FOCAD: variants seen among roughly 807,000 people sequenced by gnomAD.
The protein encoded by FOCAD is focadhesin.
FOCAD carries 198 observed loss-of-function variants against 225.6 expected under a neutral mutation model. The observed-to-expected ratio is 0.88, with a 90% confidence interval of 0.78 to 0.99. The LOEUF (loss-of-function observed/expected upper bound fraction) is 0.99. FOCAD is among the 50% of genes least tolerant of loss of function. The pLI is 0.00. For missense variants in FOCAD, 2,713 were observed against 2,123.6 expected, an observed-to-expected ratio of 1.28 and a Z score of -5.46; for synonymous variants, 897 against 755.0, an observed-to-expected ratio of 1.19 and a Z score of -3.08.
intron 8 of FOCAD, among the ~76,000 whole-genome samples, chr9:20,771,236 C>G (rs1426708735): frequency 1.3e-5 from 2 of 152,114 alleles, no homozygotes; most frequent in East Asian, 3.8e-4. Flanking sequence ...TAAGCTGTGG[C>G]AAATAGGGCT....
At chr9:20,658,061 C>CTG (rs1821561886), upstream of FOCAD, among the ~76,000 whole-genome samples, 1 of 147,040 alleles carries the variant, frequency 6.8e-6, no homozygotes, top group Non-Finnish European at 1.5e-5. Flanking sequence ...TGTGCCCCTG[C>CTG]TGGGGGGTGC....
intron 24 of FOCAD, among the ~76,000 whole-genome samples, chr9:20,917,756 G>A (rs1185816668): frequency 6.6e-6 from 1 of 152,078 alleles, no homozygotes; most frequent in East Asian, 1.9e-4. Flanking sequence ...TCCTTTTCAT[G>A]TCACAAAACC....
chr9:20,930,715 T>A (rs1047658598), intron 27 of FOCAD, among the ~76,000 whole-genome samples: 1 of 152,208 alleles, frequency 6.6e-6, no homozygotes, highest in Non-Finnish European at 1.5e-5. Flanking sequence ...TTGGGATTAT[T>A]CTCTTAGTCT....
At chr9:20,755,731 TATC>T (rs1828988815) in intron 5 of FOCAD, among the ~76,000 whole-genome samples, 1 of 152,224 alleles carries the variant, frequency 6.6e-6, no homozygotes, top group South Asian at 2.1e-4. Context: ...ATATGGTTCT[TATC>T]AGAAGAACCC....
chr9:20,876,705 GTCCCTT>G (rs1830257874), intron 19 of FOCAD, among the ~76,000 whole-genome samples: 1 of 152,146 alleles, frequency 6.6e-6, no homozygotes, highest in Non-Finnish European at 1.5e-5. Flanking sequence ...TATAAAAAGT[GTCCCTT>G]TGATTATTAC....
chr9:20,743,081 A>G (rs1827761799), intron 5 of FOCAD, among the ~76,000 whole-genome samples: 1 of 152,188 alleles, frequency 6.6e-6, no homozygotes, highest in South Asian at 2.1e-4. Context: ...TCCCCTCAAG[A>G]GAGCTATGAT....
chr9:20,851,461 C>T (rs1241585946), intron 15 of FOCAD, among the ~76,000 whole-genome samples: 2 of 151,830 alleles, frequency 1.3e-5, no homozygotes, highest in Admixed American at 1.3e-4. Flanking sequence ...AGCAACACAT[C>T]AGAATTCCTG....
intron 39 of FOCAD, among the ~76,000 whole-genome samples, chr9:20,985,698 T>A (rs1841091095): frequency 6.6e-6 from 1 of 152,238 alleles, no homozygotes; most frequent in Non-Finnish European, 1.5e-5. Flanking sequence ...TCTCAGTTTG[T>A]CGCACAGAAT....
At chr9:20,664,803 A>C (rs1054017748) in intron 2 of FOCAD, among the ~76,000 whole-genome samples, 1 of 151,964 alleles carries the variant, frequency 6.6e-6, no homozygotes, top group Non-Finnish European at 1.5e-5. Flanking sequence ...AATAATGGTG[A>C]TGGTTTCAAG....
chr9:20,747,785 G>A (rs1221145016), intron 5 of FOCAD, among the ~76,000 whole-genome samples: 1 of 147,866 alleles, frequency 6.8e-6, no homozygotes, highest in Non-Finnish European at 1.5e-5. Context: ...TATTTATCTT[G>A]GAATTTTTTG....
At chr9:20,883,546 T>C (rs961580390) in intron 20 of FOCAD, among the ~76,000 whole-genome samples, 1 of 152,230 alleles carries the variant, frequency 6.6e-6, no homozygotes, top group African/African-American at 2.4e-5. Flanking sequence ...CACTTAGAGT[T>C]TGTCCTCTGA....
At chr9:20,660,135 A>G (rs1458273024) in intron 2 of FOCAD, among the ~76,000 whole-genome samples, 2 of 152,212 alleles carry the variant, frequency 1.3e-5, no homozygotes, top group African/African-American at 4.8e-5. Flanking sequence ...AAATATCCAG[A>G]TGTGGAGACG....
At chr9:20,978,298 A>G (rs762613793) in intron 36 of FOCAD, 41 bp from the exon 37 acceptor site, 32 of 1,342,602 alleles carry the variant, frequency 2.4e-5, no homozygotes, top group Admixed American at 9.1e-5. Context: ...GAGTCAGGAA[A>G]GTAACTATAT....
Position 20,978,462 on chromosome 9 carries a change from G to C in FOCAD, c.4377+8G>C, listed in dbSNP as rs1840400270. On this transcript the variant is annotated splice_region_variant and intron_variant, in intron 37 of 43. Transcript: ENST00000338382. ...CTGATCCACAGTCTGAGTGTATGTA[G>C]TAACTAAGGGTGTTGGCCAACAGGA... The C allele has an allele frequency of 6.4e-7, 1 of 1,558,266 alleles. No individual in the cohort carries two copies. The highest frequency in any genetic ancestry group is 1.4e-5 in the African/African-American group (1 of 73,342).
In FOCAD at chr9:20,734,972, C is replaced by G. The variant is rs557933793; in HGVS notation, c.288-5264C>G. 3.9e-5 allele frequency among the ~76,000 whole-genome samples: 6 copies of G among 152,214 alleles called. 1 individual carries two copies. Among genetic ancestry groups the G allele is most frequent in the Admixed American group, 1.3e-4 (2 of 15,276 alleles). On this transcript the variant is annotated intron_variant, in intron 4 of 43. Coordinates refer to ENST00000338382, the MANE Select transcript of FOCAD (RefSeq NM_001375567.1). ...TGTCTATAGGATGGGGTCATAGAAG[C>G]AGAATTTATGGGAAAAGGGGTATAA...
intron 2 of FOCAD, among the ~76,000 whole-genome samples, chr9:20,666,436 G>C (rs1002593292): frequency 6.6e-6 from 1 of 151,988 alleles, no homozygotes; most frequent in African/African-American, 2.4e-5. Context: ...TGGAAGTGGT[G>C]GTGCATGCTT....
At chr9:20,849,502 C>G (rs1827443979) in intron 15 of FOCAD, among the ~76,000 whole-genome samples, 1 of 151,782 alleles carries the variant, frequency 6.6e-6, no homozygotes, top group Non-Finnish European at 1.5e-5. Context: ...ATTAATAGCT[C>G]ACTTACACTT....
intron 1 of FOCAD, among the ~76,000 whole-genome samples, chr9:20,690,969 G>A (rs1358762170): frequency 6.6e-6 from 1 of 150,942 alleles, no homozygotes; most frequent in Admixed American, 6.6e-5. Flanking sequence ...TTGAGACAGA[G>A]TCTCACTCTG....
At chr9:20,931,400 C>T (rs1240969054) in intron 27 of FOCAD, among the ~76,000 whole-genome samples, 2 of 152,200 alleles carry the variant, frequency 1.3e-5, no homozygotes, top group African/African-American at 4.8e-5. Context: ...CATAACTATT[C>T]ATGGCTCCCA....
Sources: gnomAD v4.1 joint callset for allele counts (sites outside exome capture counted in the v4.1 genomes callset) on GRCh38, gnomAD v4.1.1 for gene constraint, MANE v1.5 for transcripts, NCBI Gene and HGNC (gene_info 2026-07-23, HGNC 2026-07-21) for gene names.